The following CMSS1 variants were observed in gnomAD, a reference collection of about 807,000 sequenced individuals.
The protein encoded by CMSS1 is protein CMSS1.
A neutral mutation model predicts 43.5 loss-of-function variants in CMSS1; 33 were observed. That is an observed-to-expected ratio of 0.76 (90% CI 0.57 to 1.01). The LOEUF (loss-of-function observed/expected upper bound fraction) is 1.01, where lower values mean the gene tolerates loss of function less well. Ranked by LOEUF, CMSS1 falls within the 50% of genes least tolerant of loss-of-function variation. CMSS1 has a pLI of 0.00. For synonymous variants in CMSS1, 115 were observed against 117.2 expected (o/e 0.98, Z 0.12); for missense variants, 313 against 326.4 (o/e 0.96, Z 0.32).
intron 1 of CMSS1, chr3:99,929,855 C>A (rs553275913): frequency 1.2e-6 from 2 of 1,610,054 alleles, no homozygotes; most frequent in East Asian, 2.2e-5. Context: ...GTGGTACATA[C>A]CTCATTCATT....
intron 1 of CMSS1, among the ~76,000 whole-genome samples, chr3:99,861,930 GA>G (rs1281460055): frequency 6.6e-6 from 1 of 152,094 alleles, no homozygotes; most frequent in Non-Finnish European, 1.5e-5. Flanking sequence ...GTAGAATGGG[GA>G]TAATATTAGA....
intron 1 of CMSS1, among the ~76,000 whole-genome samples, chr3:99,953,850 AT>A (rs1365827802): frequency 6.6e-6 from 1 of 152,124 alleles, no homozygotes; most frequent in Non-Finnish European, 1.5e-5. Context: ...GTCTTCCTTG[AT>A]CCACAAATAG....
At chr3:100,150,554 A>G (rs13098066) in intron 2 of CMSS1, among the ~76,000 whole-genome samples, 8,412 of 152,232 alleles carry the variant, frequency 0.055, 335 homozygotes, top group Middle Eastern at 0.085. Context: ...TGGGCCTCAC[A>G]TTTCTGTCGC....
intron 1 of CMSS1, among the ~76,000 whole-genome samples, chr3:100,015,532 T>C (rs1710316628): frequency 6.6e-6 from 1 of 152,254 alleles, no homozygotes; most frequent in African/African-American, 2.4e-5. Context: ...TATCTTTCCA[T>C]TTATTTGTGG....
intron 1 of CMSS1, among the ~76,000 whole-genome samples, chr3:99,922,494 G>A (rs965345662): frequency 6.6e-6 from 1 of 152,032 alleles, no homozygotes; most frequent in Non-Finnish European, 1.5e-5. Flanking sequence ...GTGAATATAA[G>A]TGCCATGGAT....
At chr3:99,847,922 C>A in intron 1 of CMSS1, 1 of 988,862 alleles carries the variant, frequency 1.0e-6, no homozygotes, top group Non-Finnish European at 1.2e-6. Context: ...ATTCAGCAAG[C>A]AATGGTAAAA....
At chr3:99,857,640 T>C (rs1264310454) in intron 1 of CMSS1, among the ~76,000 whole-genome samples, 2 of 152,198 alleles carry the variant, frequency 1.3e-5, no homozygotes, top group Non-Finnish European at 2.9e-5. Flanking sequence ...TGTTTTGCAG[T>C]TTTTCAGATG....
intron 1 of CMSS1, among the ~76,000 whole-genome samples, chr3:99,895,048 A>G (rs1386557988): frequency 6.6e-6 from 1 of 152,178 alleles, no homozygotes; most frequent in Non-Finnish European, 1.5e-5. Flanking sequence ...CCTGAAGAAA[A>G]GTAGCTCTGG....
At chr3:99,889,299 C>G (rs1403219232) in intron 1 of CMSS1, among the ~76,000 whole-genome samples, 2 of 151,966 alleles carry the variant, frequency 1.3e-5, no homozygotes, top group African/African-American at 2.4e-5. Flanking sequence ...TCAAACTGTT[C>G]CTAGGAAATG....
intron 1 of CMSS1, among the ~76,000 whole-genome samples, chr3:100,077,303 T>C (rs1233553926): frequency 2.0e-5 from 3 of 152,206 alleles, no homozygotes; most frequent in African/African-American, 4.8e-5. Context: ...TCTTAAGAAG[T>C]AGACTCAGGC....
chr3:100,056,847 A>G (rs1212794806), intron 1 of CMSS1, among the ~76,000 whole-genome samples: 1 of 152,156 alleles, frequency 6.6e-6, no homozygotes, highest in Non-Finnish European at 1.5e-5. Context: ...TACTAAAAAT[A>G]CAAAAAATTA....
intron 1 of CMSS1, among the ~76,000 whole-genome samples, chr3:99,901,625 G>T (rs749134788): frequency 3.3e-5 from 5 of 152,172 alleles, no homozygotes. Context: ...AAATATCAGC[G>T]ATGTGTATTC....
intron 1 of CMSS1, among the ~76,000 whole-genome samples, chr3:99,901,542 C>T (rs1199725034): frequency 2.0e-5 from 3 of 152,140 alleles, no homozygotes; most frequent in Non-Finnish European, 2.9e-5. Context: ...GCCAGATGTT[C>T]GTCGGGAAAG....
intron 1 of CMSS1, among the ~76,000 whole-genome samples, chr3:100,014,432 A>G (rs1456627396): frequency 6.6e-6 from 1 of 152,006 alleles, no homozygotes; most frequent in Non-Finnish European, 1.5e-5. Flanking sequence ...ATTTTCTGTA[A>G]TAGCTATTAT....
chr3:99,840,491 G>T (rs1324132340), intron 1 of CMSS1, among the ~76,000 whole-genome samples: 29 of 151,992 alleles, frequency 1.9e-4, no homozygotes, highest in Non-Finnish European at 1.5e-5. Context: ...CAAAGTGCTG[G>T]GATTACAGGC....
intron 1 of CMSS1, among the ~76,000 whole-genome samples, chr3:100,136,448 C>T (rs1304556925): frequency 6.6e-6 from 1 of 152,208 alleles, no homozygotes; most frequent in African/African-American, 2.4e-5. Context: ...CTCCTCCAAG[C>T]AGCCCCCTCA....
chr3:100,117,880 C>CAA (rs2066589591), intron 1 of CMSS1, among the ~76,000 whole-genome samples: 2 of 104,988 alleles, frequency 1.9e-5, no homozygotes, highest in Non-Finnish European at 1.9e-5. Context: ...TATATATATA[C>CAA]ACATACAATG....
At chr3:99,837,548 G>T (rs1247858795) in intron 1 of CMSS1, among the ~76,000 whole-genome samples, 4 of 152,120 alleles carry the variant, frequency 2.6e-5, no homozygotes, top group Non-Finnish European at 5.9e-5. Context: ...TTATTGTATT[G>T]TGAGGGGAGA....
intron 1 of CMSS1, among the ~76,000 whole-genome samples, chr3:100,115,645 C>G (rs2066559856): frequency 7.5e-6 from 1 of 132,566 alleles, no homozygotes; most frequent in South Asian, 2.6e-4. Flanking sequence ...CTCTCTCATC[C>G]TCCTTTCCAC....
Sources: allele counts gnomAD v4.1 joint callset (sites outside exome capture counted in the v4.1 genomes callset), GRCh38; gene constraint gnomAD v4.1.1; transcripts MANE v1.5; gene names NCBI Gene and HGNC (gene_info 2026-07-23, HGNC 2026-07-21).